The following NPIPB6 variants were observed in gnomAD, a reference collection of about 807,000 sequenced individuals.
NPIPB6 encodes the protein nuclear pore complex-interacting protein family member B6.
Under a neutral mutation model 20.0 loss-of-function variants are expected in NPIPB6, and 2 were observed. The ratio of observed to expected loss-of-function variants is 0.10; its 90% CI spans 0.04 to 0.31. The LOEUF (loss-of-function observed/expected upper bound fraction) is 0.31. Ranked by LOEUF, NPIPB6 falls within the 10% of genes least tolerant of loss-of-function variation. NPIPB6 has a pLI of 1.00. For missense variants in NPIPB6, 96 were observed against 293.7 expected (o/e 0.33, Z 4.92); for synonymous variants, 35 against 116.3 (o/e 0.30, Z 4.50).
At chr16:28,356,802 G>C in intron 1 of NPIPB6, 1 of 111,506 alleles carries the variant, frequency 9.0e-6, no homozygotes, top group South Asian at 7.8e-5. Flanking sequence ...TAAGGGAAGG[G>C]AAAGGAGAAG....
At chr16:28,355,692 A>C (rs1172176735) in intron 1 of NPIPB6, among the ~76,000 whole-genome samples, 3 of 127,698 alleles carry the variant, frequency 2.3e-5, no homozygotes, top group African/African-American at 8.3e-5. Flanking sequence ...TGGGAAGCAG[A>C]GGTTGCGGTG....
rs3874736 is a variant in NPIPB6, at chr16:28,359,976, G to A, written c.120+2727C>T. Among the ~76,000 whole-genome samples the A allele has an allele frequency of 3.8e-4, 56 of 146,540 alleles. No individual in the cohort carries two copies. In the South Asian group the frequency reaches 8.0e-3, roughly 21 times the overall value. Reference sequence around the variant, plus strand: ...TCATGCTCCGGCAGGGTACAGGCTCGCACCTGGGGCCTCATGGAGCATCTC... The same window carrying A: ...TCATGCTCCGGCAGGGTACAGGCTCACACCTGGGGCCTCATGGAGCATCTC... On this transcript the variant is annotated intron_variant, in intron 1 of 6. Coordinates refer to ENST00000532254, the Ensembl canonical transcript of NPIPB6.
chr16:28,361,778 G>A (rs1405172869), intron 1 of NPIPB6, among the ~76,000 whole-genome samples: 1 of 130,544 alleles, frequency 7.7e-6, no homozygotes, highest in Non-Finnish European at 1.7e-5. Context: ...GTATGTGTGT[G>A]TGTGTGTGTA....
chr16:28,351,681 C>T (rs1438071371), intron 2 of NPIPB6, among the ~76,000 whole-genome samples: 1 of 121,054 alleles, frequency 8.3e-6, no homozygotes, highest in Non-Finnish European at 1.9e-5. Flanking sequence ...AAAGCTTCCT[C>T]CAATTTATAC....
exon 7 of NPIPB6, chr16:28,343,127 G>T: frequency 6.9e-7 from 1 of 1,446,452 alleles, no homozygotes; most frequent in Non-Finnish European, 9.5e-7. Context: ...AGTTTCAGCT[G>T]TGAGGTAGGG....
At chr16:28,346,253 C>A (rs1450852260) in intron 4 of NPIPB6, 1 of 806,018 alleles carries the variant, frequency 1.2e-6, no homozygotes, top group Non-Finnish European at 1.5e-6. Flanking sequence ...CCAGACCTCA[C>A]CAACTCATCA....
chr16:28,343,286 A>C (rs1196503639), intron 6 of NPIPB6, 98 bp from the exon 8 acceptor site: 1 of 922,052 alleles, frequency 1.1e-6, no homozygotes, highest in African/African-American at 1.7e-5. Flanking sequence ...CTGGTGATAG[A>C]TTTTTGCACC....
intron 1 of NPIPB6, among the ~76,000 whole-genome samples, chr16:28,362,100 TA>T (rs1438363178): frequency 8.4e-6 from 1 of 119,566 alleles, no homozygotes; most frequent in Non-Finnish European, 1.8e-5. Context: ...TTTTGCAGGA[TA>T]ATTTTTTTTT....
chr16:28,362,159 A>G (rs1287233213), intron 1 of NPIPB6, among the ~76,000 whole-genome samples: 9 of 149,120 alleles, frequency 6.0e-5, no homozygotes, highest in South Asian at 2.2e-4. Flanking sequence ...GTGCAATGGC[A>G]TGATCTCGGC....
intron 1 of NPIPB6, among the ~76,000 whole-genome samples, chr16:28,361,770 A>ATGTATGTG: frequency 1.4e-5 from 1 of 72,764 alleles, no homozygotes; most frequent in Non-Finnish European, 3.0e-5. Context: ...GTGTGTGTGT[A>ATGTATGTG]TGTGTGTGTG....
At chr16:28,360,010 C>A (rs1234983550) in intron 1 of NPIPB6, among the ~76,000 whole-genome samples, 1 of 144,710 alleles carries the variant, frequency 6.9e-6, no homozygotes, top group African/African-American at 2.5e-5. Context: ...TCTCTAAGAC[C>A]TCTGTGTCCT....
In NPIPB6 at chr16:28,363,144, CATAATTAGTGGG is replaced by C. The variant is rs1233581648; in HGVS notation, c.-334_-323del. The stretch of plus-strand genomic sequence containing the variant: ...CATTTAAATGTATCATCATTTCTGT[CATAATTAGTGGG>C]ATCCATTTCACTATTATTGGATATA... On this transcript the variant is annotated 5_prime_UTR_variant, in exon 1 of 7. In the 5' UTR this introduces an upstream ATG that the reference lacks. Transcript: ENST00000532254. The C allele has an allele frequency of 4.6e-6, 1 of 219,730 alleles. No homozygotes were observed. The highest frequency in any genetic ancestry group is 8.0e-6 in the Non-Finnish European group (1 of 124,234). The allele number at this position is 219,730 out of a possible 1,614,324, so 13.6% of individuals were successfully genotyped here.
At chr16:28,348,033 C>G (rs2045125576) in intron 4 of NPIPB6, among the ~76,000 whole-genome samples, 1 of 118,868 alleles carries the variant, frequency 8.4e-6, no homozygotes, top group East Asian at 2.2e-4. Flanking sequence ...TCACTTGAAC[C>G]TGGGAGGTGG....
At position 28,359,007 on chromosome 16, in the gene NPIPB6, G is replaced by A. The variant is rs1305266505; in HGVS notation, c.120+3696C>T. On this transcript the variant is annotated intron_variant, in intron 1 of 6. Coordinates refer to ENST00000532254, the Ensembl canonical transcript of NPIPB6. ...TGAGGCAGGACAATCCCTTGGACCC[G>A]GGAGGCGGAGGTTGCAGTGAGCCGA... Among the ~76,000 whole-genome samples, 432 of 124,558 alleles carry A rather than the reference G, an allele frequency of 3.5e-3. 2 individuals carry two copies. The highest frequency in any genetic ancestry group is 7.3e-3 in the African/African-American group (220 of 30,342). 81.7% of individuals were successfully genotyped at this position (124,558 alleles called of 152,430 possible). A position where few individuals can be genotyped will look rare whatever the true frequency, so the allele number is the denominator to read the frequency against.
chr16:28,348,087 G>T (rs1409466413), intron 4 of NPIPB6, among the ~76,000 whole-genome samples: 3 of 111,764 alleles, frequency 2.7e-5, no homozygotes, highest in East Asian at 4.6e-4. Flanking sequence ...TCTAGCCTGG[G>T]TGACAGAGTG....
intron 1 of NPIPB6, among the ~76,000 whole-genome samples, chr16:28,361,746 G>C (rs1257570668): frequency 4.2e-5 from 3 of 71,774 alleles, no homozygotes; most frequent in Non-Finnish European, 6.7e-5. Context: ...GTGTGTGTGT[G>C]TGTGTGTGTG....
intron 1 of NPIPB6, among the ~76,000 whole-genome samples, chr16:28,361,944 T>C (rs1377148934): frequency 6.7e-6 from 1 of 150,360 alleles, no homozygotes; most frequent in Non-Finnish European, 1.5e-5. Flanking sequence ...AAAAAATATG[T>C]ATTACATGTT....
At chr16:28,349,591 ACAC>A (rs1177021838) in intron 2 of NPIPB6, among the ~76,000 whole-genome samples, 38 of 98,680 alleles carry the variant, frequency 3.9e-4, no homozygotes, top group East Asian at 1.6e-3. Context: ...ACACACACAC[ACAC>A]AAGAATGACA....
intron 2 of NPIPB6, among the ~76,000 whole-genome samples, chr16:28,350,311 TCA>T (rs2045200832): frequency 1.1e-5 from 1 of 93,900 alleles, no homozygotes; most frequent in Admixed American, 1.3e-4. Flanking sequence ...TTAACATGTT[TCA>T]CAACTTGAAA....
Sources: gnomAD v4.1 joint callset for allele counts (sites outside exome capture counted in the v4.1 genomes callset) on GRCh38, gnomAD v4.1.1 for gene constraint, MANE v1.5 for transcripts, NCBI Gene and HGNC (gene_info 2026-07-23, HGNC 2026-07-21) for gene names.